DDX46: variants seen among roughly 807,000 people sequenced by gnomAD.
DDX46 encodes probable ATP-dependent RNA helicase DDX46.
Under a neutral mutation model 134.9 loss-of-function variants are expected in DDX46, and 30 were observed. The observed-to-expected ratio is 0.22, with a 90% CI of 0.17 to 0.30. DDX46 has a LOEUF of 0.30. Ranked by LOEUF, DDX46 falls within the 10% of genes least tolerant of loss-of-function variation. The pLI is 1.00. For missense variants in DDX46, 622 were observed against 1,248.7 expected (o/e 0.50, Z 7.56); for synonymous variants, 415 against 404.1 (o/e 1.03, Z -0.32).
chr5:134,776,146 C>T (rs1753928804), intron 5 of DDX46, among the ~76,000 whole-genome samples: 1 of 152,022 alleles, frequency 6.6e-6, no homozygotes, highest in African/African-American at 2.4e-5. Flanking sequence ...AATCCCAGCG[C>T]TTTGGGAGGC....
chr5:134,797,082 G>A (rs575798741), intron 15 of DDX46: 24 of 219,220 alleles, frequency 1.1e-4, no homozygotes, highest in South Asian at 5.5e-4. Flanking sequence ...CCCAGGAGGC[G>A]GAGGTTGCCG....
chr5:134,787,027 G>A (rs1445175527), intron 11 of DDX46, among the ~76,000 whole-genome samples: 2 of 151,986 alleles, frequency 1.3e-5, no homozygotes, highest in South Asian at 2.1e-4. Context: ...GGCTTAAGCC[G>A]TCCTCCCTCT....
In DDX46 at chr5:134,830,445, CTG is replaced by C. The variant is rs1373891135; in HGVS notation, c.*1741_*1742del. 5 of 152,072 alleles carry C rather than the reference CTG, an allele frequency of 3.3e-5. No homozygotes were observed. Among genetic ancestry groups the C allele is most frequent in the Non-Finnish European group, 5.9e-5 (4 of 68,010 alleles). The allele number at this position is 152,072 out of a possible 1,614,324, so 9.4% of individuals were successfully genotyped here. A position where few individuals can be genotyped will look rare whatever the true frequency, so the allele number is the denominator to read the frequency against. On this transcript the variant is annotated 3_prime_UTR_variant, in exon 23 of 23. Transcript: ENST00000452510. ...GTCCCCCTCTCATACCAAAGGATGA[CTG>C]TATATTTCTTAAATGAAGAGACTTT...
At chr5:134,785,384 T>C in intron 10 of DDX46, 81 bp from the exon 11 acceptor site, 1 of 1,401,166 alleles carries the variant, frequency 7.1e-7, no homozygotes, top group Non-Finnish European at 9.3e-7. Context: ...CTGAACTTTA[T>C]TGTAAAGGTT....
chr5:134,770,345 G>C (rs1753723069), intron 3 of DDX46, among the ~76,000 whole-genome samples: 1 of 151,898 alleles, frequency 6.6e-6, no homozygotes, highest in Non-Finnish European at 1.5e-5. Context: ...TCAGTAGGTA[G>C]GACTGCAGGT....
intron 18 of DDX46, among the ~76,000 whole-genome samples, chr5:134,814,377 G>A (rs1349416077): frequency 1.3e-5 from 2 of 151,756 alleles, no homozygotes; most frequent in Non-Finnish European, 2.9e-5. Flanking sequence ...TGTTTCTTCG[G>A]GTGTTAAAGT....
chr5:134,768,952 G>A (rs1310911863), intron 3 of DDX46, among the ~76,000 whole-genome samples: 1 of 152,090 alleles, frequency 6.6e-6, no homozygotes, highest in African/African-American at 2.4e-5. Context: ...CAGCTACTCG[G>A]GAGGCTGAGG....
intron 3 of DDX46, among the ~76,000 whole-genome samples, chr5:134,770,641 G>C (rs183583778): frequency 6.6e-6 from 1 of 152,044 alleles, no homozygotes; most frequent in Non-Finnish European, 1.5e-5. Flanking sequence ...GTGAAAACCT[G>C]TCTCTACTAA....
intron 22 of DDX46, among the ~76,000 whole-genome samples, chr5:134,827,641 G>A (rs1755625003): frequency 6.6e-6 from 1 of 152,146 alleles, no homozygotes; most frequent in African/African-American, 2.4e-5. Flanking sequence ...GTGTAATCAT[G>A]CGTTTGCACC....
At chr5:134,792,419 G>A (rs1384801797) in intron 13 of DDX46, among the ~76,000 whole-genome samples, 3 of 152,100 alleles carry the variant, frequency 2.0e-5, no homozygotes, top group African/African-American at 7.2e-5. Flanking sequence ...AGGGAGCGGG[G>A]GCGGATATAC....
In DDX46 at chr5:134,782,281, G is replaced by A. The variant is rs1048532541; in HGVS notation, c.1045+195G>A. Among the ~76,000 whole-genome samples, 13 of 152,084 alleles carry A rather than the reference G, an allele frequency of 8.5e-5. No individual in the cohort carries two copies. In the South Asian group the frequency reaches 1.7e-3, roughly 19 times the overall value. ...AGCACTTTGGGAGGCTGAGGTGGGC[G>A]GATTGTCTGAGCTCAGAAGTTCGAG... On this transcript the variant is annotated intron_variant, in intron 8 of 22. Coordinates refer to ENST00000452510, the MANE Select transcript of DDX46 (RefSeq NM_001300860.2).
intron 9 of DDX46, among the ~76,000 whole-genome samples, chr5:134,783,349 G>A: frequency 6.7e-6 from 1 of 149,874 alleles, no homozygotes; most frequent in Non-Finnish European, 1.5e-5. Context: ...GGCCTCCCGG[G>A]CTCAAGCAGT....
chr5:134,785,485 C>A lies in DDX46; in HGVS notation c.1363C>A (p.Arg455=). Residue 455 remains arginine, a synonymous_variant, in exon 11 of 23, where the codon CGA becomes AGA. Transcript: ENST00000452510. ...GPIAVIMTPT[R]ELALQITKEC... is the part of the protein sequence containing the mutation. ...TCCAGCTGTCATCATGACTCCAACT[C>A]GAGAACTGGCTTTACAGATTACTAA... The A allele has an allele frequency of 1.2e-6, 2 of 1,613,124 alleles. No homozygotes were observed. The highest frequency in any genetic ancestry group is 8.5e-7 in the Non-Finnish European group (1 of 1,179,648).
At chr5:134,781,873 G>A (rs1419197458) in intron 7 of DDX46, 48 bp from the exon 8 acceptor site, 1 of 1,551,688 alleles carries the variant, frequency 6.4e-7, no homozygotes, top group African/African-American at 1.4e-5. Flanking sequence ...CCCACAAGGG[G>A]AAAATAGTAA....
intron 6 of DDX46, among the ~76,000 whole-genome samples, chr5:134,778,355 AT>A (rs2150138146): frequency 6.6e-6 from 1 of 150,940 alleles, no homozygotes; most frequent in South Asian, 2.1e-4. Flanking sequence ...ACTTTATTCT[AT>A]TTTTCCTCTT....
At chr5:134,775,384 T>A (rs902287158) in intron 5 of DDX46, among the ~76,000 whole-genome samples, 2 of 152,176 alleles carry the variant, frequency 1.3e-5, no homozygotes, top group African/African-American at 4.8e-5. Context: ...CTGTGAAAGT[T>A]CCAAAGAATG....
Position 134,778,893 on chromosome 5 carries a change from A to T in DDX46, c.765+1168A>T, listed in dbSNP as rs254715. 1.8e-3 allele frequency among the ~76,000 whole-genome samples: 268 copies of T among 150,538 alleles called. 4 individuals carry two copies. Among genetic ancestry groups the T allele is most frequent in the Admixed American group, 0.016 (244 of 14,972 alleles). On this transcript the variant is annotated intron_variant, in intron 6 of 22. Coordinates refer to ENST00000452510, the MANE Select transcript of DDX46 (RefSeq NM_001300860.2). Reference sequence around the variant, plus strand: ...CCAGCCTCATTTTATTTTATTTTATATTAATTTAATTTATTTTTTTGAGAT... The same window carrying T: ...CCAGCCTCATTTTATTTTATTTTATTTTAATTTAATTTATTTTTTTGAGAT...
chr5:134,810,144 C>T (rs1755101191), intron 16 of DDX46, among the ~76,000 whole-genome samples: 1 of 151,960 alleles, frequency 6.6e-6, no homozygotes, highest in South Asian at 2.1e-4. Context: ...AACTCCTAGG[C>T]TCAAGCTATC....
rs770279328 is a variant in DDX46, at chr5:134,758,876, C to A, written c.-63C>A. 1.9e-5 allele frequency: 30 copies of A among 1,613,292 alleles called. No homozygotes were observed. The highest frequency in any genetic ancestry group is 2.5e-5 in the Non-Finnish European group (30 of 1,179,508). ...CGGGCGTTGAGGGCAGCTCAGCCTC[C>A]TTGTTTGTCCGGTTCGCCTGTGCGT... On this transcript the variant is annotated 5_prime_UTR_variant, in exon 1 of 23. Coordinates refer to ENST00000452510, the MANE Select transcript of DDX46 (RefSeq NM_001300860.2).
Sources: allele counts gnomAD v4.1 joint callset (sites outside exome capture counted in the v4.1 genomes callset), GRCh38; gene constraint gnomAD v4.1.1; transcripts MANE v1.5; gene names NCBI Gene and HGNC (gene_info 2026-07-23, HGNC 2026-07-21).